FAM3D: variants seen among roughly 807,000 people sequenced by gnomAD.
The protein encoded by FAM3D is protein FAM3D.
FAM3D carries 26 observed loss-of-function variants against 29.8 expected under a neutral mutation model. The ratio of observed to expected loss-of-function variants is 0.87; its 90% CI spans 0.64 to 1.21. The LOEUF (loss-of-function observed/expected upper bound fraction) is 1.21. Ranked by LOEUF, FAM3D falls within the 50% of genes most tolerant of loss-of-function variation. The pLI is 0.00. For synonymous variants in FAM3D, 115 were observed against 102.3 expected (o/e 1.12, Z -0.75); for missense variants, 253 against 290.9 (o/e 0.87, Z 0.95).
chr3:58,649,841 G>GT (rs768860557), intron 3 of FAM3D, among the ~76,000 whole-genome samples: 1 of 152,192 alleles, frequency 6.6e-6, no homozygotes, highest in Non-Finnish European at 1.5e-5. Context: ...CTGGGCCTCA[G>GT]TTTCCTTGAC....
chr3:58,645,587 G>A lies in FAM3D; in HGVS notation c.185C>T (p.Pro62Leu), dbSNP rs757238293. 6.2e-7 allele frequency: 1 copy of A among 1,614,250 alleles called. No individual in the cohort carries two copies. Among genetic ancestry groups the A allele is most frequent in the Non-Finnish European group, 8.5e-7 (1 of 1,180,048 alleles). ...KYKCGLIKPC[P>L]ANYFAFKICS... ...GATTTTAAACGCAAAGTAGTTGGCT[G>A]GGCAGGGCTTGATGAGGCCACACTT... Residue 62 changes from proline to leucine, a missense_variant, in exon 5 of 10, where the codon CCA becomes CTA. Transcript: ENST00000358781.
chr3:58,636,551 C>T lies in FAM3D; in HGVS notation c.459-131G>A, dbSNP rs534183670. ...ATCTGCCCTGGGGGTGTCCAGAGAA[C>T]GTGGCTGCACTCAGGAAGGACAGGG... is the stretch of plus-strand genomic sequence containing the variant. On this transcript the variant is annotated intron_variant, in intron 8 of 9. Transcript: ENST00000358781. 4.3e-4 allele frequency: 566 copies of T among 1,311,920 alleles called. 9 individuals are homozygous for T. In the South Asian group the frequency reaches 6.9e-3, roughly 16 times the overall value. The allele number at this position is 1,311,920 out of a possible 1,614,324, so 81.3% of individuals were successfully genotyped here.
intron 1 of FAM3D, among the ~76,000 whole-genome samples, chr3:58,661,032 G>C (rs2066919111): frequency 6.6e-6 from 1 of 152,220 alleles, no homozygotes; most frequent in South Asian, 2.1e-4. Flanking sequence ...GGCTTGGCAG[G>C]CCGTATGTTC....
chr3:58,643,606 C>G, intron 6 of FAM3D, 56 bp downstream of exon 6: 1 of 1,559,602 alleles, frequency 6.4e-7, no homozygotes, highest in Non-Finnish European at 8.8e-7. Flanking sequence ...ATGCCGCTAC[C>G]CCCTACCCTC....
At chr3:58,639,117 C>T (rs2066256182) in intron 7 of FAM3D, among the ~76,000 whole-genome samples, 2 of 152,176 alleles carry the variant, frequency 1.3e-5, no homozygotes, top group Non-Finnish European at 2.9e-5. Context: ...AGCTTAGTTT[C>T]ATCTTTACGC....
intron 6 of FAM3D, among the ~76,000 whole-genome samples, chr3:58,642,397 C>T (rs2066358795): frequency 6.6e-6 from 1 of 152,190 alleles, no homozygotes; most frequent in South Asian, 2.1e-4. Flanking sequence ...CTACCCTGTT[C>T]CTTCCTAAGT....
chr3:58,647,581 T>C (rs945438159), intron 4 of FAM3D, among the ~76,000 whole-genome samples: 3 of 152,232 alleles, frequency 2.0e-5, no homozygotes, highest in Non-Finnish European at 2.9e-5. Flanking sequence ...ATAAACCTGA[T>C]GTCAACAGGC....
rs2066132441 is a variant in FAM3D, at chr3:58,635,323, A to C, written c.586-955T>G. 6.6e-6 allele frequency among the ~76,000 whole-genome samples: 1 copy of C among 152,212 alleles called. No individual in the cohort carries two copies. The highest frequency in any genetic ancestry group is 1.5e-5 in the Non-Finnish European group (1 of 68,036). ...TCATTGTGGCTGACTCTCAGGAATT[A>C]AAAAAGAGATTCTAGATGCTACCTG... On this transcript the variant is annotated intron_variant, in intron 9 of 9. Transcript: ENST00000358781. The surrounding 1 kb of genome is among the most constrained non-coding windows in gnomAD (Gnocchi z 5.2).
chr3:58,649,559 A>C (rs538058410), intron 3 of FAM3D: 1 of 591,922 alleles, frequency 1.7e-6, no homozygotes, highest in East Asian at 2.8e-5. Flanking sequence ...GCACACACAT[A>C]TACACATGCA....
Position 58,640,843 on chromosome 3 carries a change from A to G in FAM3D, c.323-666T>C, listed in dbSNP as rs1293142494. On this transcript the variant is annotated intron_variant, in intron 6 of 9. Transcript: ENST00000358781. ...AGAGGGGATGGCAGCTCCGAGGCTTACGGAGGAGGGTGGGGACCAGGCCTA... is the reference window on the plus strand; with the variant it reads ...AGAGGGGATGGCAGCTCCGAGGCTTGCGGAGGAGGGTGGGGACCAGGCCTA... Among the ~76,000 whole-genome samples, 3 of 152,202 alleles carry G rather than the reference A, an allele frequency of 2.0e-5. No individual in the cohort carries two copies. The South Asian group carries it at 6.2e-4, about 32-fold the overall frequency.
Position 58,643,654 on chromosome 3 carries a change from C to T in FAM3D, c.322+8G>A, listed in dbSNP as rs2066396348. The T allele has an allele frequency of 8.1e-6, 13 of 1,613,256 alleles. No homozygotes were observed. In the African/African-American group the frequency reaches 1.3e-4, roughly 17 times the overall value. On this transcript the variant is annotated splice_region_variant and intron_variant, in intron 6 of 9. Coordinates refer to ENST00000358781, the MANE Select transcript of FAM3D (RefSeq NM_138805.3). Reference sequence around the variant, plus strand: ...TGGGAACTGTCTGGGGATGGATATGCAACTCACCATTCACCAGGGCGATGT... The same window carrying T: ...TGGGAACTGTCTGGGGATGGATATGTAACTCACCATTCACCAGGGCGATGT...
chr3:58,646,184 C>A (rs1288760351), intron 4 of FAM3D, among the ~76,000 whole-genome samples: 1 of 152,252 alleles, frequency 6.6e-6, no homozygotes, highest in Non-Finnish European at 1.5e-5. Context: ...TACACATTGG[C>A]TATTCTTCTC....
chr3:58,662,161 G>C (rs181895805), intron 1 of FAM3D, among the ~76,000 whole-genome samples: 2,091 of 152,194 alleles, frequency 0.014, 49 homozygotes, highest in African/African-American at 0.047. Context: ...GAGTATCTGG[G>C]TTCACCCCCT....
Position 58,640,188 on chromosome 3 carries a change from A to G in FAM3D, c.323-11T>C, listed in dbSNP as rs1187442976. 1 of 1,614,134 alleles carries G rather than the reference A, an allele frequency of 6.2e-7. No homozygotes were observed. The highest frequency in any genetic ancestry group is 8.5e-7 in the Non-Finnish European group (1 of 1,179,974). ...CAGCTCCCGTGGTTCCTAGGGGTTA[A>G]GAGGAGAACGATTATCCCCTGTAAC... On this transcript the variant is annotated splice_polypyrimidine_tract_variant and intron_variant, in intron 6 of 9. Coordinates refer to ENST00000358781, the MANE Select transcript of FAM3D (RefSeq NM_138805.3).
chr3:58,638,349 T>TA (rs2066233162), intron 7 of FAM3D, among the ~76,000 whole-genome samples: 1 of 152,166 alleles, frequency 6.6e-6, no homozygotes, highest in African/African-American at 2.4e-5. Context: ...TTATTCTAGA[T>TA]ATGGTGCAAC....
In FAM3D at chr3:58,664,355, C is replaced by T. The variant is rs1020276303; in HGVS notation, c.-39+2221G>A. On this transcript the variant is annotated intron_variant, in intron 1 of 9. Coordinates refer to ENST00000358781, the MANE Select transcript of FAM3D (RefSeq NM_138805.3). ...AGTGCAGTCCCTGACTCCTTTTACT[C>T]TCAATCATTGATGTGACTAATTTAT... 7.9e-5 allele frequency among the ~76,000 whole-genome samples: 12 copies of T among 152,320 alleles called. No individual in the cohort carries two copies. In the South Asian group the frequency reaches 2.5e-3, roughly 32 times the overall value.
chr3:58,637,277 C>T (rs1287504939), intron 7 of FAM3D, 52 bp from the exon 8 acceptor site: 13 of 1,499,028 alleles, frequency 8.7e-6, no homozygotes, highest in Non-Finnish European at 1.2e-5. Flanking sequence ...GAGCCCTGGT[C>T]ATTCTCATGC....
At chr3:58,648,524 T>C (rs2106832987) in intron 4 of FAM3D, among the ~76,000 whole-genome samples, 1 of 152,242 alleles carries the variant, frequency 6.6e-6, no homozygotes, top group South Asian at 2.1e-4. Flanking sequence ...CTCGGTGCCT[T>C]AGTTTCCTTA....
At chr3:58,663,726 C>T (rs2066976130) in intron 1 of FAM3D, among the ~76,000 whole-genome samples, 1 of 152,170 alleles carries the variant, frequency 6.6e-6, no homozygotes, top group Non-Finnish European at 1.5e-5. Flanking sequence ...AGCCACACTG[C>T]TCCTGTCATT....
Sources: gnomAD v4.1 joint callset for allele counts (sites outside exome capture counted in the v4.1 genomes callset) on GRCh38, gnomAD v4.1.1 for gene constraint, Gnocchi (gnomAD v3.1) non-coding constraint, MANE v1.5 for transcripts, NCBI Gene and HGNC (gene_info 2026-07-23, HGNC 2026-07-21) for gene names.